The following ERBB4 variants were observed in gnomAD, a reference collection of about 807,000 sequenced individuals.
ERBB4 encodes the protein erb-b2 receptor tyrosine kinase 4.
A neutral mutation model predicts 158.0 loss-of-function variants in ERBB4; 42 were observed. The observed-to-expected ratio is 0.27, with a 90% CI of 0.21 to 0.34. The LOEUF is 0.34. ERBB4 is among the 10% of genes least tolerant of loss of function. ERBB4 has a pLI of 1.00. For missense variants in ERBB4, 1,333 were observed against 1,624.1 expected (o/e 0.82, Z 3.08); for synonymous variants, 583 against 558.7 (o/e 1.04, Z -0.61).
chr2:212,351,390 G>A (rs2089245410), intron 1 of ERBB4, among the ~76,000 whole-genome samples: 1 of 152,158 alleles, frequency 6.6e-6, no homozygotes, highest in South Asian at 2.1e-4. Flanking sequence ...CCATGGTTAA[G>A]CTACCCAGCT....
chr2:212,380,456 C>CTGTGTGTGTGTGTGTGTGTG (rs6147158), intron 1 of ERBB4, among the ~76,000 whole-genome samples: 218 of 143,122 alleles, frequency 1.5e-3, no homozygotes, highest in African/African-American at 5.0e-3. Flanking sequence ...AGGAATGACT[C>CTGTGTGTGTGTGTGTGTGTG]TGTGTGTGTG....
At chr2:211,698,543 A>T (rs996087462) in intron 12 of ERBB4, among the ~76,000 whole-genome samples, 4 of 151,768 alleles carry the variant, frequency 2.6e-5, no homozygotes. Flanking sequence ...AAATATTTTT[A>T]TATATTTTTG....
At chr2:211,875,002 T>C (rs993587565) in intron 3 of ERBB4, among the ~76,000 whole-genome samples, 1 of 135,336 alleles carries the variant, frequency 7.4e-6, no homozygotes, top group Non-Finnish European at 1.5e-5. Context: ...AAGGCTTGTA[T>C]TGTCATGCTT....
chr2:212,464,648 G>A (rs1284860514), intron 1 of ERBB4, among the ~76,000 whole-genome samples: 1 of 152,012 alleles, frequency 6.6e-6, no homozygotes, highest in African/African-American at 2.4e-5. Context: ...GACATAGCTA[G>A]AAGTACATTA....
rs1339588257 is a variant in ERBB4, at chr2:211,784,587, A to G, written c.556+3438T>C. On this transcript the variant is annotated intron_variant, in intron 4 of 27. Transcript: ENST00000342788. Reference sequence around the variant, plus strand: ...ATAGATATGCAAATATCTCATTGAGAACCTGCATTTAATTCCTTTGGATAT... The same window carrying G: ...ATAGATATGCAAATATCTCATTGAGGACCTGCATTTAATTCCTTTGGATAT... Among the ~76,000 whole-genome samples the G allele has an allele frequency of 2.0e-5, 3 of 152,162 alleles. No homozygotes were observed. The South Asian group carries it at 6.2e-4, about 31-fold the overall frequency.
intron 3 of ERBB4, among the ~76,000 whole-genome samples, chr2:211,809,445 C>A (rs2105911278): frequency 6.6e-6 from 1 of 152,246 alleles, no homozygotes; most frequent in East Asian, 1.9e-4. Flanking sequence ...GGAATTTATC[C>A]ATTTCTTCTA....
chr2:212,372,668 G>A (rs1206293964), intron 1 of ERBB4, among the ~76,000 whole-genome samples: 1 of 152,178 alleles, frequency 6.6e-6, no homozygotes, highest in Non-Finnish European at 1.5e-5. Flanking sequence ...AGAATCGCTT[G>A]AACTTGGGAG....
intron 1 of ERBB4, among the ~76,000 whole-genome samples, chr2:212,195,194 T>C (rs1056745602): frequency 2.0e-5 from 3 of 152,022 alleles, no homozygotes; most frequent in South Asian, 2.1e-4. Context: ...CAGAACAAAT[T>C]ATAAATTTGG....
At chr2:212,062,441 T>TG (rs1287074027) in intron 2 of ERBB4, among the ~76,000 whole-genome samples, 2 of 119,318 alleles carry the variant, frequency 1.7e-5, no homozygotes, top group East Asian at 6.1e-4. Flanking sequence ...TTTTTTGAGA[T>TG]GGAGTCTCAC....
chr2:211,917,702 TG>T (rs150173169), intron 3 of ERBB4, among the ~76,000 whole-genome samples: 5,058 of 152,252 alleles, frequency 0.033, 123 homozygotes, highest in African/African-American at 0.064. Context: ...CTGCATGGGA[TG>T]GTTTGAAGAC....
intron 1 of ERBB4, among the ~76,000 whole-genome samples, chr2:212,329,047 TGAGA>T (rs1053291807): frequency 2.0e-5 from 3 of 152,160 alleles, no homozygotes; most frequent in Non-Finnish European, 4.4e-5. Flanking sequence ...TTGGAGCATG[TGAGA>T]GAAACACATT....
At chr2:211,509,340 T>C (rs1400874345) in intron 20 of ERBB4, among the ~76,000 whole-genome samples, 1 of 152,004 alleles carries the variant, frequency 6.6e-6, no homozygotes, top group East Asian at 1.9e-4. Flanking sequence ...ATCCCAGAAC[T>C]TAAAGCAAAA....
At chr2:211,408,682 T>C (rs188394916) in intron 25 of ERBB4, among the ~76,000 whole-genome samples, 120 of 152,316 alleles carry the variant, frequency 7.9e-4, no homozygotes, top group African/African-American at 2.7e-3. Flanking sequence ...GAATCATTAT[T>C]TACTAGATAG....
intron 1 of ERBB4, among the ~76,000 whole-genome samples, chr2:212,153,958 T>C (rs2080952513): frequency 6.6e-6 from 1 of 152,146 alleles, no homozygotes; most frequent in African/African-American, 2.4e-5. Flanking sequence ...TGGAAAATGG[T>C]TCACTTTAAA....
intron 12 of ERBB4, among the ~76,000 whole-genome samples, chr2:211,693,099 G>A (rs1223642825): frequency 6.6e-6 from 1 of 152,104 alleles, no homozygotes; most frequent in Non-Finnish European, 1.5e-5. Context: ...ATGTGAGTGG[G>A]ACCAGAGCAG....
chr2:211,967,525 A>G (rs1334518412), intron 2 of ERBB4, among the ~76,000 whole-genome samples: 1 of 152,076 alleles, frequency 6.6e-6, no homozygotes, highest in Non-Finnish European at 1.5e-5. Context: ...CTCAAGAATT[A>G]GCAACATCTT....
chr2:211,781,816 T>C (rs976197605), intron 4 of ERBB4, among the ~76,000 whole-genome samples: 12 of 152,104 alleles, frequency 7.9e-5, no homozygotes, highest in African/African-American at 2.9e-4. Flanking sequence ...AAAACCTATG[T>C]GTAATCTTTC....
chr2:212,515,738 G>A (rs1209024004), intron 1 of ERBB4, among the ~76,000 whole-genome samples: 1 of 151,540 alleles, frequency 6.6e-6, no homozygotes, highest in Non-Finnish European at 1.5e-5. Context: ...TTGTTAAATG[G>A]GTAGCAGCAA....
At chr2:211,774,617 C>T (rs371704331) in intron 4 of ERBB4, among the ~76,000 whole-genome samples, 3 of 152,090 alleles carry the variant, frequency 2.0e-5, no homozygotes, top group African/African-American at 2.4e-5. Context: ...TAGGATATCG[C>T]GGCTGTTGAA....
Sources: gnomAD v4.1 joint callset for allele counts (sites outside exome capture counted in the v4.1 genomes callset) on GRCh38, gnomAD v4.1.1 for gene constraint, MANE v1.5 for transcripts, NCBI Gene and HGNC (gene_info 2026-07-23, HGNC 2026-07-21) for gene names.